Variants in FAM136A observed in about 807,000 individuals in gnomAD.
FAM136A encodes the protein TIM double twin CX3C motif protein.
FAM136A carries 25 observed loss-of-function variants against 21.6 expected under a neutral mutation model. That is an observed-to-expected ratio of 1.16 (90% CI 0.84 to 1.62). The LOEUF is 1.62. Among genes scored for constraint, FAM136A ranks in the 40% most tolerant of loss-of-function variants. The pLI, the probability that FAM136A is intolerant of heterozygous loss-of-function variation, is 0.00. For synonymous variants in FAM136A, 119 were observed against 129.4 expected (o/e 0.92, Z 0.55); for missense variants, 338 against 332.0 (o/e 1.02, Z -0.14).
intron 1 of FAM136A, 50 bp from the exon 2 acceptor site, chr2:70,301,030 G>A: frequency 6.3e-7 from 1 of 1,579,380 alleles, no homozygotes; most frequent in South Asian, 1.1e-5. Flanking sequence ...TGGGGACAGA[G>A]ATGACTATGG....
In FAM136A at chr2:70,302,002, GCTCAGC is replaced by G. The variant is rs1285540050; in HGVS notation, c.4_9del (p.Ala2_Glu3del). On this transcript the variant is annotated inframe_deletion, in exon 1 of 3. Transcript: ENST00000430566. Reference sequence around the variant, plus strand: ...GCCTCCTGCACCCGGAGCTGCTGCAGCTCAGCCATGGCGACCCCGCGCTGCCCCGCG... The same window carrying G: ...GCCTCCTGCACCCGGAGCTGCTGCAGCATGGCGACCCCGCGCTGCCCCGCG... 2.5e-6 allele frequency: 4 copies of G among 1,599,612 alleles called. No homozygotes were observed. Among genetic ancestry groups the G allele is most frequent in the Non-Finnish European group, 3.4e-6 (4 of 1,174,922 alleles).
chr2:70,297,325 C>T lies in FAM136A; in HGVS notation c.702G>A (p.Lys234=). Residue 234 remains lysine, a synonymous_variant, in exon 3 of 3, where the codon AAG becomes AAA. Transcript: ENST00000430566. ...TTGATAAGAGAGCCTCCTTCATCTT[C>T]TTGGTCATAGTTGGGATGAGGTGCA... ...DHMHLIPTMT[K]KMKEALLSIG... is the part of the protein sequence containing the mutation. 2.5e-6 allele frequency: 4 copies of T among 1,614,004 alleles called. No homozygotes were observed. The highest frequency in any genetic ancestry group is 3.4e-6 in the Non-Finnish European group (4 of 1,179,860).
Position 70,297,045 on chromosome 2 carries a change from A to T in FAM136A, c.*244T>A. 3 of 424,048 alleles carry T rather than the reference A, an allele frequency of 7.1e-6. No homozygotes were observed. The highest frequency in any genetic ancestry group is 3.1e-5 in the South Asian group (1 of 32,406). 26.3% of individuals were successfully genotyped at this position (424,048 alleles called of 1,614,324 possible). A position where few individuals can be genotyped will look rare whatever the true frequency, so the allele number is the denominator to read the frequency against. On this transcript the variant is annotated 3_prime_UTR_variant, in exon 3 of 3. Transcript: ENST00000430566. The stretch of plus-strand genomic sequence containing the variant: ...GCCAGGACAAGCACTGGCCACAGGA[A>T]ATAATAAGCTCTAAAACTCTCCTGT...
rs774443679 is a variant in FAM136A, at chr2:70,301,913, C to G, written c.99G>C (p.Leu33=). 6.2e-7 allele frequency: 1 copy of G among 1,603,818 alleles called. No individual in the cohort carries two copies. Among genetic ancestry groups the G allele is most frequent in the South Asian group, 1.1e-5 (1 of 89,340 alleles). ...ENIRKMQVAG[L]GPNQDPLLSG... ...TGAGAAGGGGGTCCTGGTTCGGCCCCAGCCCCGCTACCTGCATCTTCCGGA... is the reference window on the plus strand; with the variant it reads ...TGAGAAGGGGGTCCTGGTTCGGCCCGAGCCCCGCTACCTGCATCTTCCGGA... The change falls in exon 1 of 3, where the codon CTG becomes CTC. Residue 33 remains leucine, a synonymous_variant. Coordinates refer to ENST00000430566, the MANE Select transcript of FAM136A (RefSeq NM_001329752.2).
At chr2:70,300,225 A>G (rs905728630) in intron 2 of FAM136A, among the ~76,000 whole-genome samples, 32 of 151,934 alleles carry the variant, frequency 2.1e-4, no homozygotes, top group African/African-American at 7.5e-4. Context: ...CACAGTATAC[A>G]TTCTGTATTT....
intron 1 of FAM136A, 115 bp from the exon 2 acceptor site, chr2:70,301,095 C>T (rs1697384997): frequency 7.3e-6 from 9 of 1,225,374 alleles, no homozygotes; most frequent in East Asian, 2.4e-5. Flanking sequence ...TCTCCACCTT[C>T]TGCTTTCACC....
chr2:70,301,280 C>T, intron 1 of FAM136A: 1 of 1,265,272 alleles, frequency 7.9e-7, no homozygotes, highest in Non-Finnish European at 1.1e-6. Flanking sequence ...CTGACGAAGC[C>T]AAATTCTGAA....
Position 70,302,022 on chromosome 2 carries a change from C to G in FAM136A, c.-11G>C. The G allele has an allele frequency of 6.3e-7, 1 of 1,578,366 alleles. No homozygotes were observed. Among genetic ancestry groups the G allele is most frequent in the Non-Finnish European group, 8.6e-7 (1 of 1,165,654 alleles). Reference sequence around the variant, plus strand: ...CTGCAGCTCAGCCATGGCGACCCCGCGCTGCCCCGCGGCGCTCCGCGCCGG... The same window carrying G: ...CTGCAGCTCAGCCATGGCGACCCCGGGCTGCCCCGCGGCGCTCCGCGCCGG... On this transcript the variant is annotated 5_prime_UTR_variant, in exon 1 of 3. Transcript: ENST00000430566.
In FAM136A at chr2:70,296,699, G is replaced by A. The variant is rs959194062; in HGVS notation, c.*590C>T. On this transcript the variant is annotated 3_prime_UTR_variant, in exon 3 of 3. Coordinates refer to ENST00000430566, the MANE Select transcript of FAM136A (RefSeq NM_001329752.2). ...GGGGATCCACAAGGAACATTTCAAA[G>A]TTCTTATCCAAACTAGTCTACCTCC... The A allele has an allele frequency of 6.6e-6, 1 of 152,212 alleles. No homozygotes were observed. The highest frequency in any genetic ancestry group is 1.5e-5 in the Non-Finnish European group (1 of 68,058). The allele number at this position is 152,212 out of a possible 1,614,324, so 9.4% of individuals were successfully genotyped here.
Position 70,297,431 on chromosome 2 carries a change from T to C in FAM136A, c.596A>G (p.Asp199Gly). Reference protein sequence around the residue: ...CTMHCNDKAKDSIDAGSKELQ... With the variant: ...CTMHCNDKAKGSIDAGSKELQ... ...CTCCTTACTCCCAGCATCTATTGAA[T>C]CTTTGGCTTTGTCGTTGCAATGCAT... The change falls in exon 3 of 3, where the codon GAT (aspartate) becomes GGT (glycine). Residue 199 changes from aspartate to glycine, a missense_variant. Physicochemically the swap from Asp to Gly is moderately conservative, Grantham distance 94 (BLOSUM62 -1). Transcript: ENST00000430566. 1 of 1,614,004 alleles carries C rather than the reference T, an allele frequency of 6.2e-7. No homozygotes were observed. The highest frequency in any genetic ancestry group is 8.5e-7 in the Non-Finnish European group (1 of 1,179,924).
At position 70,295,997 on chromosome 2, in the gene FAM136A, T is replaced by C. The variant is rs1697234852; in HGVS notation, c.*1292A>G. On this transcript the variant is annotated 3_prime_UTR_variant, in exon 3 of 3. Transcript: ENST00000430566. ...ATAGTGGGGAGAAAATTAAACCTTA[T>C]TTATTTTTAAAGTCAAACCACTAGG... 1 of 152,614 alleles carries C rather than the reference T, an allele frequency of 6.6e-6. No homozygotes were observed. Among genetic ancestry groups the C allele is most frequent in the Non-Finnish European group, 1.5e-5 (1 of 68,034 alleles). 9.5% of individuals were successfully genotyped at this position (152,614 alleles called of 1,614,324 possible).
rs1364442407 is a variant in FAM136A at position 70,296,494 on chromosome 2, G to T, written c.*795C>A. ...ACCCCCTTCTCTTCAAGGGGAAAGT[G>T]TTACTGCAAGATTGTCCTGTCATTT... On this transcript the variant is annotated 3_prime_UTR_variant, in exon 3 of 3. Transcript: ENST00000430566. The T allele has an allele frequency of 2.6e-5, 4 of 151,212 alleles. No homozygotes were observed. In the East Asian group the frequency reaches 5.8e-4, roughly 22 times the overall value. The allele number at this position is 151,212 out of a possible 1,614,324, so 9.4% of individuals were successfully genotyped here.
At chr2:70,301,058 A>G (rs749247784) in intron 1 of FAM136A, 78 bp from the exon 2 acceptor site, 16 of 1,489,016 alleles carry the variant, frequency 1.1e-5, no homozygotes, top group African/African-American at 1.4e-5. Context: ...CAGGAGTTAG[A>G]AGGCCACGTG....
At position 70,302,050 on chromosome 2, in the gene FAM136A, C is replaced by T. The variant is rs1002328801; in HGVS notation, c.-39G>A. 6 of 1,541,652 alleles carry T rather than the reference C, an allele frequency of 3.9e-6. No homozygotes were observed. The South Asian group carries it at 6.0e-5, about 15-fold the overall frequency. On this transcript the variant is annotated 5_prime_UTR_variant, in exon 1 of 3. Coordinates refer to ENST00000430566, the MANE Select transcript of FAM136A (RefSeq NM_001329752.2). ...TGCCCCGCGGCGCTCCGCGCCGGCG[C>T]CCATATGGAATCGGCGTACGGGCCC... is the stretch of plus-strand genomic sequence containing the variant.
In FAM136A at chr2:70,301,752, G is replaced by T. The variant is rs1382811709; in HGVS notation, c.260C>A (p.Ser87Ter). 2.6e-6 allele frequency: 4 copies of T among 1,541,470 alleles called. No homozygotes were observed. The East Asian group carries it at 9.8e-5, about 38-fold the overall frequency. The change falls in exon 1 of 3, where the codon TCG becomes TAG. Residue 87 changes from serine (S) to a stop codon, truncating the protein, a stop_gained. Coordinates refer to ENST00000430566, the MANE Select transcript of FAM136A (RefSeq NM_001329752.2). LOFTEE classifies it high-confidence loss of function. ...LGQDFGSFGGSDEIRVPLPCA... is the reference protein window; with the variant it reads ...LGQDFGSFGG ...CGGCAAGGGCACACGGATTTCATCC[G>T]ATCCGCCAAAGCTTCCGAAGTCCTG...
intron 2 of FAM136A, among the ~76,000 whole-genome samples, chr2:70,298,688 C>G (rs944417527): frequency 6.6e-6 from 1 of 152,092 alleles, no homozygotes; most frequent in African/African-American, 2.4e-5. Flanking sequence ...CTAGAGGAGA[C>G]TAGAGAAGTA....
rs749209643 is a variant in FAM136A, at chr2:70,301,568, G to T, written c.408+36C>A. 5.9e-5 allele frequency: 91 copies of T among 1,535,876 alleles called. 1 individual carries two copies. In the Middle Eastern group the frequency reaches 1.0e-3, roughly 17 times the overall value. ...AGTCCTCGCCTTTCTGGTCTTTCACGTTGGCAGCGCCTCTGCTGGGCCTCG... is the reference window on the plus strand; with the variant it reads ...AGTCCTCGCCTTTCTGGTCTTTCACTTTGGCAGCGCCTCTGCTGGGCCTCG... On this transcript the variant is annotated intron_variant, in intron 1 of 2. Coordinates refer to ENST00000430566, the MANE Select transcript of FAM136A (RefSeq NM_001329752.2).
rs116073039 is a variant in FAM136A at position 70,297,171 on chromosome 2, C to T, written c.*118G>A. ...CCAGAGGCAAGTGACATATGCCTTACGCTTGTGGCCATCCTTCATTTCTTC... is the reference window on the plus strand; with the variant it reads ...CCAGAGGCAAGTGACATATGCCTTATGCTTGTGGCCATCCTTCATTTCTTC... On this transcript the variant is annotated 3_prime_UTR_variant, in exon 3 of 3. Transcript: ENST00000430566. The T allele has an allele frequency of 2.9e-3, 3,009 of 1,037,240 alleles. 56 individuals are homozygous for T. The African/African-American group carries it at 0.041, about 14-fold the overall frequency. The allele number at this position is 1,037,240 out of a possible 1,614,324, so 64.3% of individuals were successfully genotyped here. A position where few individuals can be genotyped will look rare whatever the true frequency, so the allele number is the denominator to read the frequency against.
chr2:70,297,620 AGT>A, intron 2 of FAM136A, 143 bp from the exon 3 acceptor site: 25 of 405,600 alleles, frequency 6.2e-5, no homozygotes, highest in African/African-American at 8.5e-5. Context: ...TGATTGGCCA[AGT>A]TTTTTTTTTT....
Sources: gnomAD v4.1 joint callset for allele counts (sites outside exome capture counted in the v4.1 genomes callset) on GRCh38, gnomAD v4.1.1 for gene constraint, MANE v1.5 for transcripts, NCBI Gene and HGNC (gene_info 2026-07-23, HGNC 2026-07-21) for gene names.